CFAP44: variants seen among roughly 807,000 people sequenced by gnomAD.
CFAP44 encodes the protein cilia and flagella associated protein 44, also known as cilia- and flagella-associated protein 44.
Under a neutral mutation model 216.2 loss-of-function variants are expected in CFAP44, and 134 were observed. That is an observed-to-expected ratio of 0.62 (90% confidence interval 0.54 to 0.72). The LOEUF (loss-of-function observed/expected upper bound fraction) is 0.72. Among genes scored for constraint, CFAP44 ranks in the 30% least tolerant of loss-of-function variants. CFAP44 has a pLI of 0.00. For synonymous variants in CFAP44, 700 were observed against 727.6 expected, an observed-to-expected ratio of 0.96 and a Z score of 0.61; for missense variants, 2,035 against 2,182.1, an observed-to-expected ratio of 0.93 and a Z score of 1.34.
Position 113,333,653 on chromosome 3 carries a change from T to C in CFAP44, c.3438-70A>G, listed in dbSNP as rs77855413. The C allele has an allele frequency of 3.6e-4, 486 of 1,363,508 alleles. 2 individuals are homozygous for C. In the African/African-American group the frequency reaches 5.7e-3, roughly 16 times the overall value. The allele number at this position is 1,363,508 out of a possible 1,614,324, so 84.5% of individuals were successfully genotyped here. On this transcript the variant is annotated intron_variant, in intron 24 of 34. Transcript: ENST00000393845. ...AAACTCTAATTTGTCTACTTTAATA[T>C]AGGCATATATTCAAATTTAATCATG... is the stretch of plus-strand genomic sequence containing the variant.
intron 24 of CFAP44, among the ~76,000 whole-genome samples, chr3:113,335,670 T>C (rs1459609685): frequency 6.6e-6 from 1 of 152,084 alleles, no homozygotes; most frequent in Non-Finnish European, 1.5e-5. Context: ...TCAAGAATAA[T>C]CATAAAAAAT....
chr3:113,292,756 G>A (rs1210054763), intron 34 of CFAP44, among the ~76,000 whole-genome samples: 1 of 152,204 alleles, frequency 6.6e-6, no homozygotes, highest in Non-Finnish European at 1.5e-5. Flanking sequence ...TTCATAGTAA[G>A]GGTTACCCAA....
chr3:113,344,844 A>G, intron 22 of CFAP44, 132 bp from the exon 23 acceptor site: 4 of 781,094 alleles, frequency 5.1e-6, no homozygotes, highest in Non-Finnish European at 7.5e-6. Context: ...AAATTTTAAC[A>G]TATATATACC....
chr3:113,425,216 T>C (rs1934927793), intron 4 of CFAP44, among the ~76,000 whole-genome samples: 1 of 152,232 alleles, frequency 6.6e-6, no homozygotes, highest in African/African-American at 2.4e-5. Context: ...TTTATGTTTT[T>C]ATGTAAAAAG....
chr3:113,352,436 C>T (rs1368703922), intron 22 of CFAP44, among the ~76,000 whole-genome samples: 2 of 152,148 alleles, frequency 1.3e-5, no homozygotes, highest in African/African-American at 4.8e-5. Context: ...CAAAAGTCTG[C>T]GGCTTCATTC....
intron 28 of CFAP44, among the ~76,000 whole-genome samples, chr3:113,312,880 T>C (rs552446550): frequency 1.3e-5 from 2 of 152,116 alleles, no homozygotes; most frequent in African/African-American, 2.4e-5. Flanking sequence ...AGAGGATGTA[T>C]GGAAATGCCT....
At chr3:113,400,033 T>A in intron 12 of CFAP44, 33 bp from the exon 13 acceptor site, 3 of 1,411,712 alleles carry the variant, frequency 2.1e-6, no homozygotes, top group South Asian at 3.0e-5. Context: ...GAAAAAAAAT[T>A]ATATACATAA....
At chr3:113,390,427 G>C (rs1212143636) in intron 15 of CFAP44, among the ~76,000 whole-genome samples, 3 of 152,058 alleles carry the variant, frequency 2.0e-5, no homozygotes, top group Non-Finnish European at 4.4e-5. Flanking sequence ...TTTCCTCTAA[G>C]ATCTGAAACA....
intron 22 of CFAP44, among the ~76,000 whole-genome samples, chr3:113,346,854 T>C (rs1048266541): frequency 2.6e-5 from 4 of 152,192 alleles, no homozygotes; most frequent in Non-Finnish European, 4.4e-5. Flanking sequence ...TTCCATGCTG[T>C]GGAAGCTTTG....
chr3:113,324,731 C>A (rs11717082), intron 28 of CFAP44, among the ~76,000 whole-genome samples: 150,283 of 152,332 alleles, frequency 0.99, 74,166 homozygotes, highest in Middle Eastern at 1. Context: ...GCAATAAGGC[C>A]AGAAAATGAA....
chr3:113,395,674 C>T lies in CFAP44; in HGVS notation c.1890+76G>A, dbSNP rs1045074179. On this transcript the variant is annotated intron_variant, in intron 15 of 34. Coordinates refer to ENST00000393845, the MANE Select transcript of CFAP44 (RefSeq NM_001164496.2). Reference sequence around the variant, plus strand: ...AGGAGTGGGCTAAAAATTCCACCTGCTATTTTCTATCTACAAGATAGTTTC... The same window carrying T: ...AGGAGTGGGCTAAAAATTCCACCTGTTATTTTCTATCTACAAGATAGTTTC... 3.8e-6 allele frequency: 5 copies of T among 1,314,236 alleles called. No homozygotes were observed. The African/African-American group carries it at 6.0e-5, about 16-fold the overall frequency. The allele number at this position is 1,314,236 out of a possible 1,614,324, so 81.4% of individuals were successfully genotyped here.
At chr3:113,423,105 CTTTTT>C (rs72395986) in intron 4 of CFAP44, among the ~76,000 whole-genome samples, 8 of 79,164 alleles carry the variant, frequency 1.0e-4, no homozygotes, top group Admixed American at 5.6e-4. Context: ...CTGATCCTTC[CTTTTT>C]TTTTTTTTTT....
At position 113,396,723 on chromosome 3, in the gene CFAP44, T is replaced by C. The variant is rs528706637; in HGVS notation, c.1574A>G (p.Asn525Ser). 19 of 1,613,306 alleles carry C rather than the reference T, an allele frequency of 1.2e-5. No homozygotes were observed. In the South Asian group the frequency reaches 2.1e-4, roughly 18 times the overall value. ...TALVWVPRMVNFTGAQIIVGF... is the reference protein window; with the variant it reads ...TALVWVPRMVSFTGAQIIVGF... ...TACAATAATTTGTGCTCCAGTGAAG[T>C]TTACCTTGGAGAAAATTAAAGATAA... The change falls in exon 14 of 35, where the codon AAC (asparagine) becomes AGC (serine). Residue 525 changes from asparagine to serine, a missense_variant. Asn to Ser is a conservative substitution (Grantham distance 46). This residue lies in a region of CFAP44 where 1,883 missense variants were observed against 2,023.7 expected (regional missense o/e 0.93). Coordinates refer to ENST00000393845, the MANE Select transcript of CFAP44 (RefSeq NM_001164496.2).
At chr3:113,298,132 C>A (rs1019754363) in intron 32 of CFAP44, among the ~76,000 whole-genome samples, 3 of 152,224 alleles carry the variant, frequency 2.0e-5, no homozygotes, top group Non-Finnish European at 2.9e-5. Flanking sequence ...AGCCCCACCC[C>A]CATACAAGGG....
At chr3:113,386,678 C>A (rs1365279433) in intron 15 of CFAP44, among the ~76,000 whole-genome samples, 1 of 152,082 alleles carries the variant, frequency 6.6e-6, no homozygotes, top group African/African-American at 2.4e-5. Context: ...TTGACCTCCC[C>A]ACAGGAACAC....
chr3:113,413,171 T>G (rs985386749), intron 6 of CFAP44, among the ~76,000 whole-genome samples: 1 of 152,350 alleles, frequency 6.6e-6, no homozygotes, highest in African/African-American at 2.4e-5. Context: ...ATAGATGTAT[T>G]CTTTTGAGAA....
chr3:113,433,860 T>C (rs935191557), intron 1 of CFAP44, 191 bp from the exon 2 acceptor site: 22 of 428,502 alleles, frequency 5.1e-5, no homozygotes, highest in Admixed American at 1.4e-4. Flanking sequence ...GCAAGACAGC[T>C]AATTATAATC....
chr3:113,295,268 G>C (rs184388098), intron 33 of CFAP44, among the ~76,000 whole-genome samples: 1 of 151,976 alleles, frequency 6.6e-6, no homozygotes, highest in Non-Finnish European at 1.5e-5. Context: ...TTGCTCCATC[G>C]GTTGCTCACT....
chr3:113,368,799 T>C (rs1056456822), intron 18 of CFAP44, among the ~76,000 whole-genome samples: 2 of 152,080 alleles, frequency 1.3e-5, no homozygotes, highest in African/African-American at 4.8e-5. Flanking sequence ...AACTGGCAAA[T>C]TGGATAAAAA....
Sources: allele counts gnomAD v4.1 joint callset (sites outside exome capture counted in the v4.1 genomes callset), GRCh38; gene constraint gnomAD v4.1.1; regional missense constraint gnomAD v4.1.1; transcripts MANE v1.5; gene names NCBI Gene and HGNC (gene_info 2026-07-23, HGNC 2026-07-21).